Variants in RIMS2 observed in about 807,000 individuals in gnomAD.
RIMS2 encodes the protein regulating synaptic membrane exocytosis protein 2.
In RIMS2, 59 loss-of-function variants were observed where a neutral mutation model predicts 174.4. The observed-to-expected ratio is 0.34, with a 90% CI of 0.27 to 0.42. The LOEUF is 0.42. Among genes scored for constraint, RIMS2 ranks in the 10% least tolerant of loss-of-function variants. The probability of loss-of-function intolerance (pLI) is 1.00; values close to 1 mark genes in which losing one functional copy is unlikely to be tolerated. For missense variants in RIMS2, 1,620 were observed against 1,666.3 expected (o/e 0.97, Z 0.48); for synonymous variants, 606 against 572.5 (o/e 1.06, Z -0.84).
intron 19 of RIMS2, among the ~76,000 whole-genome samples, chr8:104,093,000 G>C (rs2097689383): frequency 6.6e-6 from 1 of 151,870 alleles, no homozygotes. Flanking sequence ...CAACCACTCT[G>C]AAATTAAACT....
At chr8:103,553,122 T>C (rs1848805519) in intron 1 of RIMS2, among the ~76,000 whole-genome samples, 1 of 152,114 alleles carries the variant, frequency 6.6e-6, no homozygotes. Context: ...TTATAAATCA[T>C]GCTGCTATAA....
chr8:103,995,979 G>A (rs1386285922), intron 17 of RIMS2, among the ~76,000 whole-genome samples: 1 of 151,660 alleles, frequency 6.6e-6, no homozygotes, highest in Admixed American at 6.6e-5. Flanking sequence ...TGTAAAACTT[G>A]GTTTATTAAA....
At chr8:103,663,579 T>C (rs964542061) in intron 1 of RIMS2, among the ~76,000 whole-genome samples, 8 of 152,172 alleles carry the variant, frequency 5.3e-5, no homozygotes, top group Non-Finnish European at 7.3e-5. Flanking sequence ...CTACAAGTGA[T>C]GTGAGGGACC....
chr8:103,858,501 A>C (rs556965849), intron 3 of RIMS2, among the ~76,000 whole-genome samples: 1 of 152,160 alleles, frequency 6.6e-6, no homozygotes, highest in Admixed American at 6.6e-5. Flanking sequence ...GGCCGAGCTC[A>C]TCTAATTCAG....
At chr8:103,611,402 TTG>T (rs780729373) in intron 1 of RIMS2, among the ~76,000 whole-genome samples, 4 of 152,206 alleles carry the variant, frequency 2.6e-5, no homozygotes, top group Admixed American at 6.5e-5. Flanking sequence ...TTAGTGAGTT[TTG>T]TGTTTTCAGA....
chr8:103,738,600 A>C (rs986224447), intron 2 of RIMS2, among the ~76,000 whole-genome samples: 1 of 152,220 alleles, frequency 6.6e-6, no homozygotes, highest in East Asian at 1.9e-4. Flanking sequence ...CAGGCAACCT[A>C]CAGAATGGGA....
chr8:103,714,846 G>A (rs1201835614), intron 2 of RIMS2, among the ~76,000 whole-genome samples: 1 of 151,968 alleles, frequency 6.6e-6, no homozygotes, highest in Non-Finnish European at 1.5e-5. Context: ...TGGCCATAAG[G>A]ATGGTTGATT....
chr8:103,565,699 G>A (rs1326176711), intron 1 of RIMS2, among the ~76,000 whole-genome samples: 1 of 152,108 alleles, frequency 6.6e-6, no homozygotes, highest in Non-Finnish European at 1.5e-5. Context: ...CCAAGAATAG[G>A]TCTACTATAC....
intron 1 of RIMS2, among the ~76,000 whole-genome samples, chr8:103,683,805 C>T (rs1012228240): frequency 1.3e-5 from 2 of 152,092 alleles, no homozygotes; most frequent in Non-Finnish European, 2.9e-5. Context: ...CATTTATGGG[C>T]CTGAACCTCC....
intron 19 of RIMS2, among the ~76,000 whole-genome samples, chr8:104,051,467 G>C (rs1597791527): frequency 6.6e-6 from 1 of 152,046 alleles, no homozygotes; most frequent in Admixed American, 6.6e-5. Context: ...AAAGGGGTGA[G>C]AATTTAAGGA....
At chr8:103,773,406 A>C (rs557005611) in intron 3 of RIMS2, among the ~76,000 whole-genome samples, 1 of 152,314 alleles carries the variant, frequency 6.6e-6, no homozygotes, top group South Asian at 2.1e-4. Context: ...GAAATGTCCT[A>C]TGTGTTTAGT....
At chr8:103,526,718 G>A (rs532221334) in intron 1 of RIMS2, among the ~76,000 whole-genome samples, 13 of 152,264 alleles carry the variant, frequency 8.5e-5, no homozygotes, top group South Asian at 6.2e-4. Context: ...GGAGAAATGA[G>A]AAAATATGTG....
chr8:104,170,570 T>G (rs2135408378), intron 19 of RIMS2, among the ~76,000 whole-genome samples: 1 of 152,232 alleles, frequency 6.6e-6, no homozygotes, highest in East Asian at 1.9e-4. Flanking sequence ...GGTGAGTTTC[T>G]TAAAGATAGC....
intron 19 of RIMS2, among the ~76,000 whole-genome samples, chr8:104,114,032 T>A (rs2098239876): frequency 6.6e-6 from 1 of 152,018 alleles, no homozygotes; most frequent in Non-Finnish European, 1.5e-5. Context: ...ATAGTTAAAA[T>A]GAATACATTT....
At chr8:104,063,745 A>G (rs116224803) in intron 19 of RIMS2, among the ~76,000 whole-genome samples, 2,105 of 152,298 alleles carry the variant, frequency 0.014, 59 homozygotes, top group African/African-American at 0.049. Context: ...GACTGAGTCA[A>G]CAATACTGCC....
At chr8:104,091,014 A>G (rs1390403795) in intron 19 of RIMS2, among the ~76,000 whole-genome samples, 1 of 151,746 alleles carries the variant, frequency 6.6e-6, no homozygotes, top group Non-Finnish European at 1.5e-5. Flanking sequence ...TATGTGTCAG[A>G]TATTGTGCTA....
chr8:103,576,112 G>C (rs1293551944), intron 1 of RIMS2, among the ~76,000 whole-genome samples: 1 of 152,166 alleles, frequency 6.6e-6, no homozygotes, highest in Non-Finnish European at 1.5e-5. Flanking sequence ...TGCTGTAGAA[G>C]GTTTGTTCCA....
chr8:103,563,746 G>A (rs2091957749), intron 1 of RIMS2, among the ~76,000 whole-genome samples: 3 of 152,112 alleles, frequency 2.0e-5, no homozygotes, highest in South Asian at 4.1e-4. Context: ...CCCAAGACTA[G>A]GCAATATACA....
intron 1 of RIMS2, among the ~76,000 whole-genome samples, chr8:103,505,776 G>A (rs1033383350): frequency 7.2e-5 from 11 of 152,068 alleles, no homozygotes; most frequent in African/African-American, 2.2e-4. Context: ...CTTTACCAAT[G>A]TTTCAATGAA....
Sources: allele counts gnomAD v4.1 joint callset (sites outside exome capture counted in the v4.1 genomes callset), GRCh38; gene constraint gnomAD v4.1.1; transcripts MANE v1.5; gene names NCBI Gene and HGNC (gene_info 2026-07-23, HGNC 2026-07-21).